The following OPCML variants were observed in gnomAD, a reference collection of about 807,000 sequenced individuals.
OPCML encodes opioid-binding protein/cell adhesion molecule.
In OPCML, 13 loss-of-function variants were observed where a neutral mutation model predicts 37.8. That is an observed-to-expected ratio of 0.34 (90% CI 0.22 to 0.55). The LOEUF (loss-of-function observed/expected upper bound fraction) is 0.55. Among genes scored for constraint, OPCML ranks in the 20% least tolerant of loss-of-function variants. The pLI is 0.91. For synonymous variants in OPCML, 176 were observed against 168.8 expected, an observed-to-expected ratio of 1.04 and a Z score of -0.33; for missense variants, 341 against 435.6, an observed-to-expected ratio of 0.78 and a Z score of 1.93.
intron 1 of OPCML, among the ~76,000 whole-genome samples, chr11:133,255,807 G>T (rs1159520714): frequency 6.6e-6 from 1 of 151,778 alleles, no homozygotes; most frequent in Non-Finnish European, 1.5e-5. Flanking sequence ...CCTATGGCTG[G>T]CAGTAGAAAG....
At chr11:133,193,562 C>T (rs896239817) in intron 1 of OPCML, among the ~76,000 whole-genome samples, 4 of 152,132 alleles carry the variant, frequency 2.6e-5, no homozygotes, top group Non-Finnish European at 5.9e-5. Flanking sequence ...CACTAATGGG[C>T]ACTATTTTGG....
At chr11:133,209,920 C>A (rs1448466958) in intron 1 of OPCML, among the ~76,000 whole-genome samples, 1 of 152,110 alleles carries the variant, frequency 6.6e-6, no homozygotes, top group Non-Finnish European at 1.5e-5. Context: ...TTCTCAGAAA[C>A]CTGCTAGATA....
intron 1 of OPCML, among the ~76,000 whole-genome samples, chr11:133,069,366 T>G (rs1370658779): frequency 3.9e-5 from 6 of 152,220 alleles, no homozygotes; most frequent in Admixed American, 6.5e-5. Flanking sequence ...ACTCATGTTT[T>G]AGTGCTGTTT....
In OPCML at chr11:133,222,547, A is replaced by G. The variant is rs375963719; in HGVS notation, c.62-279537T>C. Among the ~76,000 whole-genome samples the G allele has an allele frequency of 3.9e-5, 6 of 152,322 alleles. No homozygotes were observed. In the South Asian group the frequency reaches 1.2e-3, roughly 32 times the overall value. On this transcript the variant is annotated intron_variant, in intron 1 of 7. Transcript: ENST00000524381. ...CACCTCGAAGAAGACAGTCTGAGCTACAGTCATCAGGCTGTGTTTGTTTCC... is the reference window on the plus strand; with the variant it reads ...CACCTCGAAGAAGACAGTCTGAGCTGCAGTCATCAGGCTGTGTTTGTTTCC...
At chr11:132,878,374 T>C (rs555560950) in intron 2 of OPCML, among the ~76,000 whole-genome samples, 2 of 152,310 alleles carry the variant, frequency 1.3e-5, no homozygotes, top group Admixed American at 1.3e-4. Context: ...CTCCCTAATG[T>C]GGATGGGCCT....
At chr11:133,070,887 C>CA (rs952873573) in intron 1 of OPCML, among the ~76,000 whole-genome samples, 1 of 152,090 alleles carries the variant, frequency 6.6e-6, no homozygotes, top group Non-Finnish European at 1.5e-5. Context: ...ACCCTGAGCT[C>CA]AAATATGTTT....
chr11:132,706,335 T>G (rs1321907884), intron 2 of OPCML, among the ~76,000 whole-genome samples: 1 of 152,196 alleles, frequency 6.6e-6, no homozygotes, highest in Non-Finnish European at 1.5e-5. Context: ...CATATTTTTC[T>G]GAAGAAGTTA....
chr11:133,121,868 C>A (rs570969), intron 1 of OPCML, among the ~76,000 whole-genome samples: 72,821 of 151,956 alleles, frequency 0.48, 18,340 homozygotes, highest in East Asian at 0.64. Context: ...GTTTCAGAAA[C>A]AATGCCCCAA....
At position 132,909,370 on chromosome 11, in the gene OPCML, G is replaced by A. The variant is rs562319069; in HGVS notation, c.146+33556C>T. Among the ~76,000 whole-genome samples the A allele has an allele frequency of 6.6e-5, 10 of 152,312 alleles. No individual in the cohort carries two copies. In the South Asian group the frequency reaches 1.7e-3, roughly 25 times the overall value. ...AATAGAAGTGGTGTTCAGGTTGTGC[G>A]AACATTCTGAGAGACCATTTCATAG... On this transcript the variant is annotated intron_variant, in intron 2 of 7. Transcript: ENST00000524381.
chr11:133,515,792 G>A (rs1239874801), intron 1 of OPCML, among the ~76,000 whole-genome samples: 1 of 151,570 alleles, frequency 6.6e-6, no homozygotes, highest in African/African-American at 2.4e-5. Context: ...TTCCTCAAGG[G>A]TCAAGGCAGG....
chr11:132,531,964 GT>G (rs2096326642), intron 3 of OPCML, among the ~76,000 whole-genome samples: 2 of 152,058 alleles, frequency 1.3e-5, no homozygotes, highest in African/African-American at 4.8e-5. Flanking sequence ...CTGATAGTAA[GT>G]TACACACAGC....
intron 2 of OPCML, among the ~76,000 whole-genome samples, chr11:132,715,052 G>C (rs923570859): frequency 1.3e-5 from 2 of 152,154 alleles, no homozygotes; most frequent in African/African-American, 4.8e-5. Context: ...CATGGGCAAG[G>C]GAGGGCAGGC....
chr11:133,172,374 G>C (rs1950299601), intron 1 of OPCML, among the ~76,000 whole-genome samples: 1 of 152,172 alleles, frequency 6.6e-6, no homozygotes, highest in Non-Finnish European at 1.5e-5. Context: ...AAGCATGAAG[G>C]GTTAAGAAAG....
At chr11:133,428,549 A>G (rs937386176) in intron 1 of OPCML, among the ~76,000 whole-genome samples, 2 of 152,264 alleles carry the variant, frequency 1.3e-5, no homozygotes, top group Admixed American at 6.5e-5. Flanking sequence ...TTAAAAATAC[A>G]TAATGGAATA....
chr11:132,918,053 A>G (rs1469995853), intron 2 of OPCML, among the ~76,000 whole-genome samples: 2 of 152,228 alleles, frequency 1.3e-5, no homozygotes, highest in Admixed American at 6.5e-5. Context: ...AGTTAGTTCT[A>G]TGTCACTGGT....
In OPCML at chr11:133,173,604, C is replaced by T. The variant is rs1950317607; in HGVS notation, c.62-230594G>A. On this transcript the variant is annotated intron_variant, in intron 1 of 7. Coordinates refer to ENST00000524381, the MANE Select transcript of OPCML (RefSeq NM_001012393.5). This position sits in a 1 kb window ranked among gnomAD's most constrained non-coding sequence, Gnocchi z 7.8. Reference sequence around the variant, plus strand: ...AATCACATCACCTTTCAAATCACCCCCCAGATGCCTCTCATTGCAAAAATT... The same window carrying T: ...AATCACATCACCTTTCAAATCACCCTCCAGATGCCTCTCATTGCAAAAATT... Among the ~76,000 whole-genome samples the T allele has an allele frequency of 6.6e-6, 1 of 152,116 alleles. No homozygotes were observed. The highest frequency in any genetic ancestry group is 1.5e-5 in the Non-Finnish European group (1 of 68,024).
At chr11:133,204,063 A>T (rs1287114758) in intron 1 of OPCML, among the ~76,000 whole-genome samples, 4 of 49,532 alleles carry the variant, frequency 8.1e-5, no homozygotes, top group African/African-American at 4.4e-4. Context: ...TGTCTCAAAA[A>T]AAAAAAAAAA....
At chr11:133,439,271 G>C in intron 1 of OPCML, 1 of 980,226 alleles carries the variant, frequency 1.0e-6, no homozygotes, top group Non-Finnish European at 1.2e-6. Flanking sequence ...ACTCCCTGTT[G>C]GTGTCCAGAG....
At chr11:132,493,912 G>T (rs1161048848) in intron 4 of OPCML, among the ~76,000 whole-genome samples, 1 of 152,168 alleles carries the variant, frequency 6.6e-6, no homozygotes, top group Non-Finnish European at 1.5e-5. Context: ...CATCTGTTTT[G>T]ATTTCCGGGT....
Sources: allele counts gnomAD v4.1 joint callset (sites outside exome capture counted in the v4.1 genomes callset), GRCh38; gene constraint gnomAD v4.1.1; non-coding constraint Gnocchi (gnomAD v3.1); transcripts MANE v1.5; gene names NCBI Gene and HGNC (gene_info 2026-07-23, HGNC 2026-07-21).